The following NSUN6 variants were observed in gnomAD, a reference collection of about 807,000 sequenced individuals.
The protein encoded by NSUN6 is tRNA (cytosine(72)-C(5))-methyltransferase NSUN6.
NSUN6 carries 64 observed loss-of-function variants against 58.0 expected under a neutral mutation model. The observed-to-expected ratio is 1.10, with a 90% CI of 0.90 to 1.36. The LOEUF is 1.36. Among genes scored for constraint, NSUN6 ranks in the 40% most tolerant of loss-of-function variants. NSUN6 has a pLI of 0.00. For missense variants in NSUN6, 701 were observed against 550.1 expected (o/e 1.27, Z -2.74); for synonymous variants, 231 against 193.9 (o/e 1.19, Z -1.59).
At chr10:18,605,525 A>C (rs1294910538) in intron 6 of NSUN6, among the ~76,000 whole-genome samples, 1 of 152,206 alleles carries the variant, frequency 6.6e-6, no homozygotes, top group African/African-American at 2.4e-5. Context: ...TTGAATTAGG[A>C]GCAGGATTTG....
chr10:18,589,640 T>G (rs1589976454), intron 7 of NSUN6, among the ~76,000 whole-genome samples: 1 of 152,154 alleles, frequency 6.6e-6, no homozygotes, highest in East Asian at 1.9e-4. Flanking sequence ...AACCCAGAAT[T>G]TCACATCTAG....
chr10:18,572,300 C>T (rs1402902272), intron 8 of NSUN6, among the ~76,000 whole-genome samples: 3 of 150,848 alleles, frequency 2.0e-5, no homozygotes, highest in Non-Finnish European at 4.4e-5. Flanking sequence ...TTTCATTCCA[C>T]TCTCCCTTCC....
intron 8 of NSUN6, among the ~76,000 whole-genome samples, chr10:18,568,469 C>G (rs944447007): frequency 2.0e-4 from 30 of 150,610 alleles, no homozygotes; most frequent in African/African-American, 7.3e-4. Flanking sequence ...ATTCCATTCT[C>G]CATTGCATTC....
chr10:18,566,468 ATT>A (rs2055956099), intron 8 of NSUN6, among the ~76,000 whole-genome samples: 1 of 139,416 alleles, frequency 7.2e-6, no homozygotes, highest in Non-Finnish European at 1.5e-5. Context: ...ATTCCATTCC[ATT>A]CTCCATTCCA....
chr10:18,636,374 A>C (rs1245694036), intron 3 of NSUN6, among the ~76,000 whole-genome samples: 1 of 151,872 alleles, frequency 6.6e-6, no homozygotes, highest in Admixed American at 6.6e-5. Context: ...AAAAAAAAAA[A>C]AACTGGCCGG....
chr10:18,625,274 G>A (rs1487659570), intron 3 of NSUN6, among the ~76,000 whole-genome samples: 1 of 152,196 alleles, frequency 6.6e-6, no homozygotes, highest in East Asian at 1.9e-4. Context: ...AATCTCTGAT[G>A]CAGGTAATAT....
At chr10:18,631,253 T>G (rs1304401325) in intron 3 of NSUN6, among the ~76,000 whole-genome samples, 1 of 149,498 alleles carries the variant, frequency 6.7e-6, no homozygotes, top group East Asian at 2.0e-4. Flanking sequence ...GGGACGTATC[T>G]CAAAATAATA....
chr10:18,633,497 T>A (rs1319051766), intron 3 of NSUN6, among the ~76,000 whole-genome samples: 1 of 152,018 alleles, frequency 6.6e-6, no homozygotes, highest in African/African-American at 2.4e-5. Context: ...ACAGCTATAA[T>A]CCCGATGATG....
At chr10:18,567,720 T>A (rs954482286) in intron 8 of NSUN6, among the ~76,000 whole-genome samples, 1 of 150,128 alleles carries the variant, frequency 6.7e-6, no homozygotes, top group African/African-American at 2.4e-5. Flanking sequence ...TTGCATTCCA[T>A]CCTCCATTCC....
chr10:18,646,407 C>A (rs1297556183), intron 2 of NSUN6, among the ~76,000 whole-genome samples: 3 of 152,116 alleles, frequency 2.0e-5, no homozygotes, highest in Non-Finnish European at 4.4e-5. Flanking sequence ...TCTAGTGACT[C>A]TGACCGAAGC....
At chr10:18,629,910 G>A (rs1201472883) in intron 3 of NSUN6, among the ~76,000 whole-genome samples, 2 of 150,214 alleles carry the variant, frequency 1.3e-5, no homozygotes, top group Non-Finnish European at 3.0e-5. Flanking sequence ...GGACCTAATA[G>A]ACATCTACAG....
At chr10:18,573,443 C>G (rs903011103) in intron 8 of NSUN6, among the ~76,000 whole-genome samples, 1 of 151,518 alleles carries the variant, frequency 6.6e-6, no homozygotes, top group Non-Finnish European at 1.5e-5. Flanking sequence ...TTCCATTCTC[C>G]ATTCCATTCC....
rs115643719 is a variant in NSUN6 at position 18,554,918 on chromosome 10, G to A, written c.923-2947C>T. Reference sequence around the variant, plus strand: ...GAATGGAATAGAGAATGGAAGAAACGGAATGGAATCAAGAATGGAATGGAA... The same window carrying A: ...GAATGGAATAGAGAATGGAAGAAACAGAATGGAATCAAGAATGGAATGGAA... On this transcript the variant is annotated intron_variant, in intron 8 of 10. Coordinates refer to ENST00000377304, the MANE Select transcript of NSUN6 (RefSeq NM_182543.5). Among the ~76,000 whole-genome samples the A allele has an allele frequency of 4.5e-3, 665 of 147,946 alleles. 5 individuals carry two copies. The highest frequency in any genetic ancestry group is 0.012 in the African/African-American group (490 of 40,436).
intron 8 of NSUN6, among the ~76,000 whole-genome samples, chr10:18,585,710 G>T (rs111680375): frequency 6.6e-6 from 1 of 152,114 alleles, no homozygotes; most frequent in East Asian, 1.9e-4. Flanking sequence ...ATGGACGGGA[G>T]TAAGTTTTTG....
chr10:18,550,684 G>C (rs1027622540), intron 9 of NSUN6, among the ~76,000 whole-genome samples: 1 of 150,198 alleles, frequency 6.7e-6, no homozygotes. Flanking sequence ...AATGAGTTTT[G>C]CTCCCTATTG....
At chr10:18,560,871 G>A (rs942688611) in intron 8 of NSUN6, among the ~76,000 whole-genome samples, 1 of 150,968 alleles carries the variant, frequency 6.6e-6, no homozygotes, top group African/African-American at 2.4e-5. Flanking sequence ...GAACAGAATG[G>A]AATGGAGAAT....
chr10:18,603,824 T>C (rs1463891162), intron 6 of NSUN6, among the ~76,000 whole-genome samples: 1 of 152,170 alleles, frequency 6.6e-6, no homozygotes, highest in Non-Finnish European at 1.5e-5. Context: ...CCTTCTTTTA[T>C]ATTTAATAAG....
At chr10:18,573,433 T>C (rs935645397) in intron 8 of NSUN6, among the ~76,000 whole-genome samples, 1 of 151,718 alleles carries the variant, frequency 6.6e-6, no homozygotes, top group Non-Finnish European at 1.5e-5. Context: ...TTCCTTTCCA[T>C]TCCATTCTCC....
intron 5 of NSUN6, among the ~76,000 whole-genome samples, chr10:18,611,712 A>G (rs2131329767): frequency 7.1e-6 from 1 of 141,586 alleles, no homozygotes. Context: ...GTGTGGACAG[A>G]GTCTCACTAT....
Sources: gnomAD v4.1 joint callset for allele counts (sites outside exome capture counted in the v4.1 genomes callset) on GRCh38, gnomAD v4.1.1 for gene constraint, MANE v1.5 for transcripts, NCBI Gene and HGNC (gene_info 2026-07-23, HGNC 2026-07-21) for gene names.